Variants in ATP5PF observed in about 807,000 individuals in gnomAD.
ATP5PF encodes the protein ATP synthase peripheral stalk subunit F6, mitochondrial.
Under a neutral mutation model 12.0 loss-of-function variants are expected in ATP5PF, and 7 were observed. The observed-to-expected ratio is 0.58, with a 90% CI of 0.33 to 1.10. The LOEUF is 1.10. ATP5PF is among the 50% of genes least tolerant of loss of function. ATP5PF has a pLI of 0.03. For synonymous variants in ATP5PF, 41 were observed against 45.4 expected, an observed-to-expected ratio of 0.90 and a Z score of 0.39; for missense variants, 120 against 127.7, an observed-to-expected ratio of 0.94 and a Z score of 0.29.
rs2123448326 is a variant in ATP5PF, at chr21:25,729,774, G to A, written c.21C>T (p.Phe7=). Residue 7 remains phenylalanine, a synonymous_variant, in exon 2 of 4, where the codon TTC becomes TTT. Coordinates refer to ENST00000284971, the MANE Select transcript of ATP5PF (RefSeq NM_001003703.2). MILQRL[F]RFSSVIRSAV... The stretch of plus-strand genomic sequence containing the variant: ...CTGACCGAATGACAGAGGAGAACCT[G>A]AAGAGCCTCTGAAGAATCATGCTGA... 1 of 1,613,796 alleles carries A rather than the reference G, an allele frequency of 6.2e-7. No individual in the cohort carries two copies. Among genetic ancestry groups the A allele is most frequent in the Middle Eastern group, 1.7e-4 (1 of 5,918 alleles).
intron 1 of ATP5PF, 140 bp downstream of exon 1, chr21:25,734,713 C>G (rs1166480466): frequency 1.2e-6 from 1 of 849,696 alleles, no homozygotes; most frequent in Non-Finnish European, 1.8e-6. Context: ...AGCTGTGACC[C>G]CGGGCCAGGC....
chr21:25,725,119 T>C, intron 3 of ATP5PF, 107 bp downstream of exon 3: 1 of 1,436,792 alleles, frequency 7.0e-7, no homozygotes, highest in Non-Finnish European at 9.3e-7. Context: ...ATGGTCCTAA[T>C]AAATTCACAT....
intron 2 of ATP5PF, 76 bp from the exon 3 acceptor site, chr21:25,725,426 A>C: frequency 1.4e-5 from 19 of 1,337,522 alleles, no homozygotes; most frequent in East Asian, 2.6e-5. Context: ...TCACCACCAC[A>C]TTCCAACAGA....
At chr21:25,730,048 C>T (rs1325273148) in intron 1 of ATP5PF, among the ~76,000 whole-genome samples, 2 of 152,160 alleles carry the variant, frequency 1.3e-5, no homozygotes, top group East Asian at 1.9e-4. Flanking sequence ...GGTTAGAGCA[C>T]AAAATGTGAG....
rs971289195 is a variant in ATP5PF, at chr21:25,734,879, G to A, written c.-34C>T. ...TTGCACTCAGTCCCGAGCTGCCAAA[G>A]CCTCCGCCGCCACCACCTCCGCTCT... On this transcript the variant is annotated 5_prime_UTR_variant, in exon 1 of 4. Coordinates refer to ENST00000284971, the MANE Select transcript of ATP5PF (RefSeq NM_001003703.2). 5.2e-6 allele frequency: 8 copies of A among 1,547,992 alleles called. No homozygotes were observed. The East Asian group carries it at 1.7e-4, about 33-fold the overall frequency.
At position 25,734,895 on chromosome 21, in the gene ATP5PF, C is replaced by A. The variant is rs2034964994; in HGVS notation, c.-50G>T. The A allele has an allele frequency of 6.4e-7, 1 of 1,558,704 alleles. No individual in the cohort carries two copies. On this transcript the variant is annotated 5_prime_UTR_variant, in exon 1 of 4. Coordinates refer to ENST00000284971, the MANE Select transcript of ATP5PF (RefSeq NM_001003703.2). The stretch of plus-strand genomic sequence containing the variant: ...GCTGCCAAAGCCTCCGCCGCCACCA[C>A]CTCCGCTCTACTTCCGGCCCTGGCT...
At chr21:25,726,565 T>C (rs1377739840) in intron 2 of ATP5PF, among the ~76,000 whole-genome samples, 2 of 152,150 alleles carry the variant, frequency 1.3e-5, no homozygotes, top group Non-Finnish European at 2.9e-5. Flanking sequence ...GGAGTCTAGA[T>C]GGAAAAACCA....
rs527616326 is a variant in ATP5PF, at chr21:25,726,094, C to T, written c.165-744G>A. Among the ~76,000 whole-genome samples, 19 of 152,294 alleles carry T rather than the reference C, an allele frequency of 1.2e-4. 1 individual carries two copies. In the South Asian group the frequency reaches 3.1e-3, roughly 25 times the overall value. On this transcript the variant is annotated intron_variant, in intron 2 of 3. Transcript: ENST00000284971. ...AACTAAATATGAAGGTTCTACCAAA[C>T]GAGGGTGTAAATGCACACGTACCTC...
chr21:25,732,657 A>AAAAG (rs929425442), intron 1 of ATP5PF, among the ~76,000 whole-genome samples: 1 of 151,778 alleles, frequency 6.6e-6, no homozygotes, highest in African/African-American at 2.4e-5. Context: ...AAAAAAAAAA[A>AAAAG]AAAGAAAGAA....
At chr21:25,724,767 C>A in intron 3 of ATP5PF, 90 bp from the exon 4 acceptor site, 5 of 1,364,570 alleles carry the variant, frequency 3.7e-6, no homozygotes, top group Non-Finnish European at 5.1e-6. Flanking sequence ...CATCAATTTT[C>A]TGATTTTTTT....
intron 2 of ATP5PF, among the ~76,000 whole-genome samples, chr21:25,726,515 T>TA (rs1280424256): frequency 6.6e-6 from 1 of 151,986 alleles, no homozygotes; most frequent in Non-Finnish European, 1.5e-5. Flanking sequence ...AGCAAAGACA[T>TA]AGAGGTGGTA....
At chr21:25,729,573 C>T in intron 2 of ATP5PF, 58 bp downstream of exon 2, 4 of 1,452,400 alleles carry the variant, frequency 2.8e-6, no homozygotes, top group Non-Finnish European at 3.7e-6. Context: ...TTATTACCAC[C>T]TTGAAACTTA....
intron 1 of ATP5PF, chr21:25,734,224 C>T (rs2034914371): frequency 3.0e-6 from 2 of 669,254 alleles, no homozygotes; most frequent in Non-Finnish European, 3.7e-6. Flanking sequence ...CATATGATAG[C>T]GTCTGACATG....
chr21:25,725,761 A>C (rs1219643396), intron 2 of ATP5PF, among the ~76,000 whole-genome samples: 1 of 152,218 alleles, frequency 6.6e-6, no homozygotes, highest in African/African-American at 2.4e-5. Context: ...TAAAGCATTC[A>C]TGTAGTCAAA....
At chr21:25,731,477 T>A (rs1215744178) in intron 1 of ATP5PF, among the ~76,000 whole-genome samples, 4 of 151,730 alleles carry the variant, frequency 2.6e-5, no homozygotes, top group African/African-American at 7.3e-5. Context: ...CTCAGCCTCC[T>A]GGACTCATGC....
intron 2 of ATP5PF, among the ~76,000 whole-genome samples, chr21:25,728,809 A>G (rs905422278): frequency 6.6e-6 from 1 of 152,150 alleles, no homozygotes; most frequent in Non-Finnish European, 1.5e-5. Context: ...TCCCTACCTT[A>G]GCACCTAACT....
At chr21:25,735,380 C>G (rs1050096468), upstream of ATP5PF, 3 of 193,232 alleles carry the variant, frequency 1.6e-5, no homozygotes, top group Admixed American at 1.1e-4. Context: ...AGTCCTGGAC[C>G]CGAAGGTGCC....
At chr21:25,735,238 T>A (rs71649643), upstream of ATP5PF, 1,824 of 570,194 alleles carry the variant, frequency 3.2e-3, 29 homozygotes, top group African/African-American at 0.03. Flanking sequence ...TCGTTAGGGT[T>A]ATCGAAGTGT....
At chr21:25,729,829 G>A (rs371403516) in intron 1 of ATP5PF, 28 bp from the exon 2 acceptor site, 25 of 1,600,738 alleles carry the variant, frequency 1.6e-5, no homozygotes, top group Middle Eastern at 1.7e-4. Flanking sequence ...CAGCAGAAAC[G>A]TTAATATACT....
Sources: allele counts gnomAD v4.1 joint callset (sites outside exome capture counted in the v4.1 genomes callset), GRCh38; gene constraint gnomAD v4.1.1; transcripts MANE v1.5; gene names NCBI Gene and HGNC (gene_info 2026-07-23, HGNC 2026-07-21).